The following ARHGAP32 variants were observed in gnomAD, a reference collection of about 807,000 sequenced individuals.
The protein encoded by ARHGAP32 is Rho GTPase activating protein 32, also known as rho GTPase-activating protein 32.
ARHGAP32 carries 51 observed loss-of-function variants against 186.5 expected under a neutral mutation model. The ratio of observed to expected loss-of-function variants is 0.27; its 90% CI spans 0.22 to 0.35. The LOEUF (loss-of-function observed/expected upper bound fraction) is 0.35, where lower values mean the gene tolerates loss of function less well. Ranked by LOEUF, ARHGAP32 falls within the 10% of genes least tolerant of loss-of-function variation. The pLI is 1.00. For synonymous variants in ARHGAP32, 950 were observed against 964.3 expected (o/e 0.99, Z 0.27); for missense variants, 2,186 against 2,623.5 (o/e 0.83, Z 3.64).
intron 5 of ARHGAP32, among the ~76,000 whole-genome samples, chr11:129,117,979 T>C (rs778173088): frequency 6.6e-6 from 1 of 152,030 alleles, no homozygotes; most frequent in Non-Finnish European, 1.5e-5. Context: ...AATTTTAAAC[T>C]ACATGTGGCT....
chr11:129,268,910 T>C (rs370455981), intron 1 of ARHGAP32, among the ~76,000 whole-genome samples: 11 of 152,092 alleles, frequency 7.2e-5, no homozygotes, highest in African/African-American at 2.7e-4. Context: ...GTAGGAATGC[T>C]AGAGATACAG....
At chr11:129,212,161 T>C (rs2135593657) in intron 1 of ARHGAP32, among the ~76,000 whole-genome samples, 1 of 151,994 alleles carries the variant, frequency 6.6e-6, no homozygotes, top group Middle Eastern at 3.4e-3. Flanking sequence ...TCTCAAAATA[T>C]GAAAAAAGAA....
chr11:129,216,859 A>G (rs1944654747), intron 1 of ARHGAP32, among the ~76,000 whole-genome samples: 1 of 151,842 alleles, frequency 6.6e-6, no homozygotes, highest in Non-Finnish European at 1.5e-5. Flanking sequence ...ATTAATTTCT[A>G]CTTTTATTCC....
chr11:129,074,288 T>TGGA (rs1048746547), intron 6 of ARHGAP32, among the ~76,000 whole-genome samples: 1 of 152,158 alleles, frequency 6.6e-6, no homozygotes, highest in African/African-American at 2.4e-5. Context: ...TATATGTGTA[T>TGGA]GGAGGTATGT....
intron 1 of ARHGAP32, among the ~76,000 whole-genome samples, chr11:129,177,247 A>T (rs1359376131): frequency 6.6e-6 from 1 of 152,206 alleles, no homozygotes; most frequent in Non-Finnish European, 1.5e-5. Flanking sequence ...GAAGAAGTTG[A>T]ATCTCTGAAT....
intron 10 of ARHGAP32, among the ~76,000 whole-genome samples, chr11:129,061,626 C>T (rs1192900364): frequency 6.6e-6 from 1 of 152,256 alleles, no homozygotes; most frequent in Admixed American, 6.5e-5. Flanking sequence ...GCAGCATCTA[C>T]AGTGTGGATA....
chr11:129,224,388 A>G (rs953496817), intron 1 of ARHGAP32, among the ~76,000 whole-genome samples: 1 of 152,208 alleles, frequency 6.6e-6, no homozygotes, highest in Admixed American at 6.5e-5. Context: ...TAAGAATTAC[A>G]TCAGTGAAAA....
intron 1 of ARHGAP32, among the ~76,000 whole-genome samples, chr11:129,244,405 A>G (rs2135673403): frequency 6.6e-6 from 1 of 152,384 alleles, no homozygotes; most frequent in Non-Finnish European, 1.5e-5. Flanking sequence ...GTCAAATAGT[A>G]TGGATGTTGT....
At position 128,976,587 on chromosome 11, in the gene ARHGAP32, G is replaced by C. The variant is rs748332407; in HGVS notation, c.2170C>G (p.Leu724Val). The C allele has an allele frequency of 1.2e-6, 2 of 1,613,980 alleles. No homozygotes were observed. The highest frequency in any genetic ancestry group is 2.2e-5 in the South Asian group (2 of 91,070). The change falls in exon 20 of 23, where the codon CTT (leucine) becomes GTT (valine). Residue 724 changes from leucine (L) to valine (V), a missense_variant. By Grantham distance (32) the Leu-to-Val change is conservative. Coordinates refer to ENST00000682385, the MANE Select transcript of ARHGAP32 (RefSeq NM_001378024.1). ...CCATCAACTGCATGGAGAGATGTAA[G>C]AGACTCCTCACTTTTAGCTGAACGG... ...TLRSAKSEESLTSLHAVDGDS... is the reference protein window; with the variant it reads ...TLRSAKSEESVTSLHAVDGDS...
At chr11:128,990,567 GA>G (rs1324634547) in intron 12 of ARHGAP32, among the ~76,000 whole-genome samples, 1 of 152,188 alleles carries the variant, frequency 6.6e-6, no homozygotes, top group Non-Finnish European at 1.5e-5. Context: ...TCAGTAACAA[GA>G]AAAGGTTATG....
chr11:129,250,802 T>C (rs901109222), intron 1 of ARHGAP32, among the ~76,000 whole-genome samples: 3 of 152,092 alleles, frequency 2.0e-5, no homozygotes, highest in Admixed American at 2.0e-4. Context: ...ATTGAAAGAG[T>C]TTTAACTATT....
chr11:129,156,699 G>A (rs529831022), intron 2 of ARHGAP32, among the ~76,000 whole-genome samples: 1 of 152,266 alleles, frequency 6.6e-6, no homozygotes, highest in Admixed American at 6.5e-5. Flanking sequence ...GAGAGCAATG[G>A]ATCTCCCAGC....
chr11:129,116,591 G>A (rs1942376143), intron 5 of ARHGAP32, among the ~76,000 whole-genome samples: 1 of 152,074 alleles, frequency 6.6e-6, no homozygotes, highest in African/African-American at 2.4e-5. Context: ...TACACATGTA[G>A]TAACAGTACT....
rs144715377 is a variant in ARHGAP32, at chr11:129,217,642, A to C, written c.-4-53215T>G. ...ATACCTCCTCTAGAAAAATATACTC[A>C]AAGTAAAAAGCTCAGTACTGTCTAT... On this transcript the variant is annotated intron_variant, in intron 1 of 6. Coordinates refer to the ARHGAP32 transcript ENST00000525234. 4.5e-4 allele frequency among the ~76,000 whole-genome samples: 68 copies of C among 152,270 alleles called. No individual in the cohort carries two copies. The East Asian group carries it at 0.012, about 27-fold the overall frequency.
intron 3 of ARHGAP32, among the ~76,000 whole-genome samples, chr11:129,124,559 C>G (rs913474785): frequency 2.0e-5 from 3 of 152,084 alleles, no homozygotes; most frequent in Admixed American, 2.0e-4. Context: ...CTGTTCCTAT[C>G]AAACAACTGT....
chr11:129,000,933 T>C (rs1181967056), intron 11 of ARHGAP32, among the ~76,000 whole-genome samples: 2 of 152,194 alleles, frequency 1.3e-5, no homozygotes, highest in East Asian at 3.8e-4. Flanking sequence ...TCCAGTTCCA[T>C]CCATGTTGTT....
intron 1 of ARHGAP32, among the ~76,000 whole-genome samples, chr11:129,268,226 G>C (rs1358215809): frequency 6.6e-6 from 1 of 152,140 alleles, no homozygotes; most frequent in Non-Finnish European, 1.5e-5. Flanking sequence ...AAAGAGAAAA[G>C]ACTGGTGGGA....
chr11:129,274,985 G>A lies in ARHGAP32; in HGVS notation c.-5+4161C>T, dbSNP rs555894703. Among the ~76,000 whole-genome samples, 120 of 150,988 alleles carry A rather than the reference G, an allele frequency of 7.9e-4. No homozygotes were observed. In the South Asian group the frequency reaches 0.014, roughly 17 times the overall value. On this transcript the variant is annotated intron_variant, in intron 1 of 6. Coordinates refer to the ARHGAP32 transcript ENST00000525234. ...AATTTATAAACTTAAGAACATTATC[G>A]GGAAATTATCAAGAATCAGGATCTA...
intron 12 of ARHGAP32, among the ~76,000 whole-genome samples, chr11:128,988,449 A>T (rs772643042): frequency 3.3e-5 from 5 of 152,216 alleles, no homozygotes; most frequent in Non-Finnish European, 7.4e-5. Flanking sequence ...CATTACAGCA[A>T]AGTGAACTGT....
Sources: gnomAD v4.1 joint callset for allele counts (sites outside exome capture counted in the v4.1 genomes callset) on GRCh38, gnomAD v4.1.1 for gene constraint, MANE v1.5 for transcripts, NCBI Gene and HGNC (gene_info 2026-07-23, HGNC 2026-07-21) for gene names.